Variants in TUBGCP3 observed in about 807,000 individuals in gnomAD.
The protein encoded by TUBGCP3 is gamma-tubulin complex component 3.
Under a neutral mutation model 123.1 loss-of-function variants are expected in TUBGCP3, and 50 were observed. That is an observed-to-expected ratio of 0.41 (90% CI 0.32 to 0.51). TUBGCP3 has a LOEUF of 0.51. Ranked by LOEUF, TUBGCP3 falls within the 20% of genes least tolerant of loss-of-function variation. The probability of loss-of-function intolerance (pLI) is 0.36; values close to 1 mark genes in which losing one functional copy is unlikely to be tolerated. For synonymous variants in TUBGCP3, 405 were observed against 413.9 expected (o/e 0.98, Z 0.26); for missense variants, 882 against 1,127.0 (o/e 0.78, Z 3.11).
intron 14 of TUBGCP3, 123 bp downstream of exon 14, chr13:112,522,197 T>A (rs1447490389): frequency 1.0e-6 from 1 of 984,230 alleles, no homozygotes; most frequent in Non-Finnish European, 1.4e-6. Context: ...CAGATTTTAT[T>A]TTAAAAAGTA....
chr13:112,591,289 A>G (rs1882878140), upstream of TUBGCP3, among the ~76,000 whole-genome samples: 1 of 152,218 alleles, frequency 6.6e-6, no homozygotes, highest in Non-Finnish European at 1.5e-5. Flanking sequence ...TCTAAAACTA[A>G]AACTCTCCAG....
At position 112,554,103 on chromosome 13, in the gene TUBGCP3, T is replaced by A. The variant is rs1228622553; in HGVS notation, c.920A>T (p.Tyr307Phe). 1.2e-6 allele frequency: 2 copies of A among 1,614,084 alleles called. No individual in the cohort carries two copies. The highest frequency in any genetic ancestry group is 1.7e-6 in the Non-Finnish European group (2 of 1,180,050). Reference protein sequence around the residue: ...LGWLHNKIRRYTDQRSLDRSF... With the variant: ...LGWLHNKIRRFTDQRSLDRSF... ...GCGGTCCAGGCTCCTCTGGTCCGTG[T>A]ATCTTCTGATTTTATTATGCAACCA... is the stretch of plus-strand genomic sequence containing the variant. The change falls in exon 8 of 22, where the codon TAC (tyrosine) becomes TTC (phenylalanine). Residue 307 changes from tyrosine (Y) to phenylalanine (F), a missense_variant. Around this residue, in one of 3 missense-constraint regions of TUBGCP3, gnomAD observed 713 missense variants for 874.0 expected, o/e 0.82. Transcript: ENST00000261965.
chr13:112,586,445 A>G (rs1481863448), intron 1 of TUBGCP3, among the ~76,000 whole-genome samples: 1 of 152,160 alleles, frequency 6.6e-6, no homozygotes, highest in African/African-American at 2.4e-5. Flanking sequence ...TCCCCCTATG[A>G]CGAGGAACAT....
intron 11 of TUBGCP3, among the ~76,000 whole-genome samples, chr13:112,541,823 C>A (rs1452316097): frequency 1.3e-5 from 2 of 152,180 alleles, no homozygotes; most frequent in Non-Finnish European, 2.9e-5. Flanking sequence ...AATTGATCAG[C>A]AATCATTAGA....
rs758974998 is a variant in TUBGCP3, at chr13:112,504,617, G to A, written c.2175+9C>T. Reference sequence around the variant, plus strand: ...TTAAACTAAAATCAACACAATGACTGAAGTGTACCTCAAATGTGATGTAAT... The same window carrying A: ...TTAAACTAAAATCAACACAATGACTAAAGTGTACCTCAAATGTGATGTAAT... On this transcript the variant is annotated intron_variant, in intron 18 of 21. Transcript: ENST00000261965. 3.7e-6 allele frequency: 6 copies of A among 1,611,050 alleles called. No individual in the cohort carries two copies. In the South Asian group the frequency reaches 5.5e-5, roughly 15 times the overall value.
chr13:112,491,688 A>G (rs560689273), intron 20 of TUBGCP3, among the ~76,000 whole-genome samples: 1 of 152,228 alleles, frequency 6.6e-6, no homozygotes, highest in East Asian at 1.9e-4. Context: ...GTCTTGCTAT[A>G]TTGCCCAGGC....
At chr13:112,513,529 GT>G (rs1881813265) in intron 17 of TUBGCP3, among the ~76,000 whole-genome samples, 1 of 152,186 alleles carries the variant, frequency 6.6e-6, no homozygotes, top group African/African-American at 2.4e-5. Context: ...GATACTTTAA[GT>G]AAGACTAAGC....
intron 20 of TUBGCP3, among the ~76,000 whole-genome samples, chr13:112,490,992 G>C (rs1352080869): frequency 6.6e-6 from 1 of 152,162 alleles, no homozygotes; most frequent in Non-Finnish European, 1.5e-5. Context: ...AGAGCTGAGC[G>C]AAAGAGTAAG....
intron 19 of TUBGCP3, 58 bp downstream of exon 19, chr13:112,503,974 C>T: frequency 6.5e-7 from 1 of 1,547,590 alleles, no homozygotes; most frequent in East Asian, 2.3e-5. Flanking sequence ...TTGACAGGAA[C>T]CCAAGAAAAG....
the TUBGCP3 span, among the ~76,000 whole-genome samples, chr13:112,594,216 A>C: frequency 1.3e-5 from 2 of 152,276 alleles, no homozygotes; most frequent in Non-Finnish European, 2.9e-5. Context: ...ATCATAAGAA[A>C]ACTATAAAAT....
At chr13:112,589,970 A>T (rs1882848098), upstream of TUBGCP3, among the ~76,000 whole-genome samples, 1 of 152,112 alleles carries the variant, frequency 6.6e-6, no homozygotes. Context: ...TCATACTTCC[A>T]ACTAAGTTAC....
the TUBGCP3 span, chr13:112,604,292 AAC>A: frequency 6.6e-6 from 1 of 152,158 alleles, no homozygotes; most frequent in Non-Finnish European, 1.5e-5. Context: ...AATATTCACC[AAC>A]ACACTTGTTT....
intron 17 of TUBGCP3, among the ~76,000 whole-genome samples, chr13:112,512,794 T>C (rs946855834): frequency 6.6e-6 from 1 of 152,198 alleles, no homozygotes; most frequent in African/African-American, 2.4e-5. Context: ...TCAGGGACCA[T>C]TTCAGAGAAT....
At chr13:112,568,066 C>G (rs1450343265) in intron 2 of TUBGCP3, among the ~76,000 whole-genome samples, 1 of 151,570 alleles carries the variant, frequency 6.6e-6, no homozygotes, top group Middle Eastern at 3.4e-3. Context: ...GACCCACGGC[C>G]AAATGGACTT....
chr13:112,525,707 A>G (rs1477007285), intron 13 of TUBGCP3, among the ~76,000 whole-genome samples: 1 of 152,246 alleles, frequency 6.6e-6, no homozygotes, highest in Admixed American at 6.5e-5. Context: ...CTGAACGCTC[A>G]TGCGACATTC....
intron 7 of TUBGCP3, among the ~76,000 whole-genome samples, chr13:112,554,487 C>T (rs1291935181): frequency 6.6e-6 from 1 of 152,140 alleles, no homozygotes; most frequent in Non-Finnish European, 1.5e-5. Flanking sequence ...TGACCCACAC[C>T]ACAAGAAATG....
chr13:112,598,512 C>T, the TUBGCP3 span, among the ~76,000 whole-genome samples: 1 of 151,984 alleles, frequency 6.6e-6, no homozygotes, highest in South Asian at 2.1e-4. Context: ...TATTAAAGTG[C>T]TCTGTTACCT....
In TUBGCP3 at chr13:112,486,013, G is replaced by A. The variant is rs138098573; in HGVS notation, c.2704C>T (p.Arg902Trp). ...RLRVSLGTRG[R>W]RSSHT ...GAGCTTCACGTGTGGGAGCTGCGCCGCCCCCTGGTACCCAGAGACACACGG... is the reference window on the plus strand; with the variant it reads ...GAGCTTCACGTGTGGGAGCTGCGCCACCCCCTGGTACCCAGAGACACACGG... The change falls in exon 22 of 22, where the codon CGG (arginine) becomes TGG (tryptophan). Residue 902 changes from arginine (R) to tryptophan (W), a missense_variant. Around this residue, in one of 3 missense-constraint regions of TUBGCP3, gnomAD observed 160 missense variants for 220.3 expected, o/e 0.73. Transcript: ENST00000261965. 19 of 1,604,760 alleles carry A rather than the reference G, an allele frequency of 1.2e-5. No individual in the cohort carries two copies. The African/African-American group carries it at 1.3e-4, about 11-fold the overall frequency.
At chr13:112,542,037 C>G (rs1443304934) in intron 11 of TUBGCP3, among the ~76,000 whole-genome samples, 1 of 152,166 alleles carries the variant, frequency 6.6e-6, no homozygotes, top group African/African-American at 2.4e-5. Context: ...AAACTGAGAA[C>G]AGTAACACAC....
Sources: allele counts gnomAD v4.1 joint callset (sites outside exome capture counted in the v4.1 genomes callset), GRCh38; gene constraint gnomAD v4.1.1; regional missense constraint gnomAD v4.1.1; transcripts MANE v1.5; gene names NCBI Gene and HGNC (gene_info 2026-07-23, HGNC 2026-07-21).